Variants in NRXN3 observed in about 807,000 individuals in gnomAD.
NRXN3 encodes the protein neurexin III.
A neutral mutation model predicts 137.6 loss-of-function variants in NRXN3; 32 were observed. The observed-to-expected ratio is 0.23, with a 90% CI of 0.18 to 0.31. The LOEUF (loss-of-function observed/expected upper bound fraction) is 0.31. NRXN3 is among the 10% of genes least tolerant of loss of function. The pLI is 1.00. For missense variants in NRXN3, 1,574 were observed against 2,062.5 expected (o/e 0.76, Z 4.59); for synonymous variants, 798 against 784.5 (o/e 1.02, Z -0.29).
chr14:79,797,544 G>A (rs2099164608), intron 19 of NRXN3, among the ~76,000 whole-genome samples: 1 of 152,170 alleles, frequency 6.6e-6, no homozygotes, highest in Non-Finnish European at 1.5e-5. Context: ...TCACACCTGA[G>A]TATGACAAGT....
chr14:78,723,283 A>G (rs1595175374), intron 8 of NRXN3, among the ~76,000 whole-genome samples: 1 of 152,224 alleles, frequency 6.6e-6, no homozygotes, highest in Non-Finnish European at 1.5e-5. Flanking sequence ...ATGAGAGATA[A>G]GAGCCCTCCC....
At chr14:79,209,348 C>A (rs2067290721) in intron 15 of NRXN3, among the ~76,000 whole-genome samples, 1 of 151,676 alleles carries the variant, frequency 6.6e-6, no homozygotes, top group Non-Finnish European at 1.5e-5. Flanking sequence ...CACCTATTTC[C>A]TTAGAAGAGG....
intron 6 of NRXN3, among the ~76,000 whole-genome samples, chr14:78,667,021 G>A (rs918341309): frequency 1.3e-5 from 2 of 152,114 alleles, no homozygotes; most frequent in African/African-American, 4.8e-5. Context: ...TTCTAGCCAA[G>A]AATTTCTCCC....
Position 78,245,302 on chromosome 14 carries a change from T to A in NRXN3, c.709+1500T>A, listed in dbSNP as rs1596322813. Among the ~76,000 whole-genome samples, 4 of 152,306 alleles carry A rather than the reference T, an allele frequency of 2.6e-5. No individual in the cohort carries two copies. In the South Asian group the frequency reaches 8.3e-4, roughly 32 times the overall value. Reference sequence around the variant, plus strand: ...ACTCCAGACCACACCCCAGGCTAATTAAATCAGAATCTCTTGGCATGGGAT... The same window carrying A: ...ACTCCAGACCACACCCCAGGCTAATAAAATCAGAATCTCTTGGCATGGGAT... On this transcript the variant is annotated intron_variant, in intron 2 of 20. Coordinates refer to ENST00000335750, the MANE Select transcript of NRXN3 (RefSeq NM_001330195.2).
At position 79,719,251 on chromosome 14, in the gene NRXN3, ATGTG is replaced by A. The variant is rs4016617; in HGVS notation, c.4014+21336_4014+21339del. ...TATCATCCCGTCATCATAGACATAT[ATGTG>A]TGTGTGTGTGTGTGTGTGTGTACAT... On this transcript the variant is annotated intron_variant, in intron 19 of 20. Transcript: ENST00000335750. 2.8e-3 allele frequency among the ~76,000 whole-genome samples: 411 copies of A among 148,884 alleles called. 2 individuals carry two copies. The highest frequency in any genetic ancestry group is 7.7e-3 in the African/African-American group (309 of 40,228).
chr14:79,525,177 G>A (rs1601632275), intron 16 of NRXN3, among the ~76,000 whole-genome samples: 1 of 152,134 alleles, frequency 6.6e-6, no homozygotes. Context: ...AAACAGGAGG[G>A]CAGGGGAAGG....
chr14:78,619,509 A>G (rs2152495634), intron 4 of NRXN3, among the ~76,000 whole-genome samples: 1 of 152,272 alleles, frequency 6.6e-6, no homozygotes, highest in Non-Finnish European at 1.5e-5. Flanking sequence ...TTGAATTGAG[A>G]TTCCCATAAT....
intron 16 of NRXN3, among the ~76,000 whole-genome samples, chr14:79,510,741 G>A (rs959040455): frequency 6.6e-6 from 1 of 152,174 alleles, no homozygotes; most frequent in Admixed American, 6.5e-5. Flanking sequence ...AATCTCTGAG[G>A]AATCTCTTCA....
At chr14:79,595,663 T>C (rs749263059) in intron 16 of NRXN3, among the ~76,000 whole-genome samples, 7 of 152,192 alleles carry the variant, frequency 4.6e-5, no homozygotes, top group Non-Finnish European at 1.0e-4. Flanking sequence ...ATATACTAGA[T>C]TGTAAAAACT....
intron 8 of NRXN3, 60 bp downstream of exon 8, chr14:78,715,199 G>T: frequency 6.4e-7 from 1 of 1,562,834 alleles, no homozygotes; most frequent in Admixed American, 1.7e-5. Context: ...GTTACAGTTG[G>T]ATCCCTGGGC....
At chr14:79,595,394 G>GA (rs1169975545) in intron 16 of NRXN3, among the ~76,000 whole-genome samples, 2 of 152,172 alleles carry the variant, frequency 1.3e-5, no homozygotes, top group African/African-American at 4.8e-5. Flanking sequence ...TGTAGCATGA[G>GA]AAAATCTTAT....
intron 15 of NRXN3, chr14:79,279,275 C>G: frequency 1.1e-6 from 1 of 894,290 alleles, no homozygotes; most frequent in Non-Finnish European, 1.3e-6. Flanking sequence ...TCCTCCGGAG[C>G]CAGCCAGTCC....
intron 15 of NRXN3, among the ~76,000 whole-genome samples, chr14:79,102,437 T>A (rs1490427298): frequency 6.6e-6 from 1 of 152,202 alleles, no homozygotes; most frequent in Admixed American, 6.5e-5. Flanking sequence ...CTCCTGACTT[T>A]GTTCACTCTG....
At chr14:78,743,672 G>T (rs1335283364) in intron 8 of NRXN3, among the ~76,000 whole-genome samples, 2 of 152,134 alleles carry the variant, frequency 1.3e-5, no homozygotes, top group African/African-American at 2.4e-5. Context: ...TAAGACCAAG[G>T]CACAAAATAT....
intron 20 of NRXN3, chr14:79,853,547 T>A: frequency 2.2e-6 from 3 of 1,350,310 alleles, no homozygotes; most frequent in Non-Finnish European, 2.0e-6. Flanking sequence ...AGCCAGAAGC[T>A]CTAATGCAGC....
chr14:79,327,612 A>G (rs1221770732), intron 15 of NRXN3, among the ~76,000 whole-genome samples: 1 of 152,168 alleles, frequency 6.6e-6, no homozygotes, highest in Non-Finnish European at 1.5e-5. Flanking sequence ...TCCTCAGTGC[A>G]GTTCAGATAT....
intron 4 of NRXN3, among the ~76,000 whole-genome samples, chr14:78,625,518 T>A (rs2097449828): frequency 1.3e-5 from 2 of 152,208 alleles, no homozygotes; most frequent in Admixed American, 1.3e-4. Flanking sequence ...ACTGGCAACC[T>A]CCTTGTACTC....
At chr14:79,228,478 TAAGAC>T (rs1486363178) in intron 15 of NRXN3, among the ~76,000 whole-genome samples, 3 of 152,192 alleles carry the variant, frequency 2.0e-5, no homozygotes, top group African/African-American at 7.2e-5. Flanking sequence ...GATACTTGAC[TAAGAC>T]AAAAGTTTAA....
intron 15 of NRXN3, among the ~76,000 whole-genome samples, chr14:79,122,448 C>T (rs1002987921): frequency 3.3e-5 from 5 of 152,088 alleles, no homozygotes; most frequent in Non-Finnish European, 5.9e-5. Context: ...CTTTAATGGT[C>T]CCATATAATG....
Sources: allele counts gnomAD v4.1 joint callset (sites outside exome capture counted in the v4.1 genomes callset), GRCh38; gene constraint gnomAD v4.1.1; transcripts MANE v1.5; gene names NCBI Gene and HGNC (gene_info 2026-07-23, HGNC 2026-07-21).